Variants in SIK2 observed in about 807,000 individuals in gnomAD.
SIK2 encodes the protein serine/threonine-protein kinase SIK2.
In SIK2, 29 loss-of-function variants were observed where a neutral mutation model predicts 103.2. The observed-to-expected ratio is 0.28, with a 90% CI of 0.21 to 0.38. The LOEUF is 0.38. Ranked by LOEUF, SIK2 falls within the 10% of genes least tolerant of loss-of-function variation. The pLI, the probability that SIK2 is intolerant of heterozygous loss-of-function variation, is 1.00. For synonymous variants in SIK2, 412 were observed against 446.1 expected (o/e 0.92, Z 0.96); for missense variants, 879 against 1,171.0 (o/e 0.75, Z 3.64).
intron 3 of SIK2, among the ~76,000 whole-genome samples, chr11:111,647,648 G>A (rs1199898863): frequency 6.7e-6 from 1 of 150,266 alleles, no homozygotes; most frequent in Admixed American, 6.7e-5. Context: ...GGTAGATCAC[G>A]AGGTCAGGAG....
At chr11:111,653,702 A>C (rs190585129) in intron 3 of SIK2, among the ~76,000 whole-genome samples, 126 of 152,338 alleles carry the variant, frequency 8.3e-4, no homozygotes, top group African/African-American at 2.9e-3. Context: ...ACCAGGACGG[A>C]GATTTATGCC....
intron 3 of SIK2, among the ~76,000 whole-genome samples, chr11:111,623,289 A>G (rs561089164): frequency 3.3e-5 from 5 of 152,136 alleles, no homozygotes; most frequent in Non-Finnish European, 7.4e-5. Flanking sequence ...AACATCTAGA[A>G]TCCAGTTATG....
At chr11:111,633,117 C>T (rs1176360611) in intron 3 of SIK2, among the ~76,000 whole-genome samples, 1 of 152,176 alleles carries the variant, frequency 6.6e-6, no homozygotes, top group Non-Finnish European at 1.5e-5. Flanking sequence ...ACTCTGTGCT[C>T]ATGTTGATCT....
chr11:111,724,376 G>T lies in SIK2; in HGVS notation c.*247G>T. The T allele has an allele frequency of 7.4e-6, 4 of 540,156 alleles. No individual in the cohort carries two copies. Among genetic ancestry groups the T allele is most frequent in the Non-Finnish European group, 1.3e-5 (4 of 305,204 alleles). The allele number at this position is 540,156 out of a possible 1,614,324, so 33.5% of individuals were successfully genotyped here. On this transcript the variant is annotated 3_prime_UTR_variant, in exon 15 of 15. Coordinates refer to ENST00000304987, the MANE Select transcript of SIK2 (RefSeq NM_015191.3). ...AGGCTGAGGCTCCTGCCCTTCGGTC[G>T]AGTGGAGCAAGCTCTCGAGGGCAGC...
chr11:111,616,175 C>T (rs1047776499), intron 1 of SIK2, 68 bp from the exon 2 acceptor site: 1 of 1,043,290 alleles, frequency 9.6e-7, no homozygotes, highest in Non-Finnish European at 1.5e-6. Context: ...CATTTATTGA[C>T]AGGATTCTTA....
intron 2 of SIK2, among the ~76,000 whole-genome samples, chr11:111,618,137 T>C (rs1357417222): frequency 6.6e-6 from 1 of 152,100 alleles, no homozygotes; most frequent in Non-Finnish European, 1.5e-5. Flanking sequence ...TAGATTCTCA[T>C]AAGGAGTGTG....
chr11:111,701,318 A>G lies in SIK2; in HGVS notation c.604-134A>G, dbSNP rs1943206989. Reference sequence around the variant, plus strand: ...TAGTCAGGGTTTTGGATTTTTTTCAAATTCTGAGAAAATAATAAATCCAGA... The same window carrying G: ...TAGTCAGGGTTTTGGATTTTTTTCAGATTCTGAGAAAATAATAAATCCAGA... On this transcript the variant is annotated intron_variant, in intron 5 of 14. Transcript: ENST00000304987. This position sits in a 1 kb window ranked among gnomAD's most constrained non-coding sequence, Gnocchi z 4.2. The G allele has an allele frequency of 1.6e-6, 2 of 1,257,838 alleles. No homozygotes were observed. The highest frequency in any genetic ancestry group is 2.2e-6 in the Non-Finnish European group (2 of 929,324). 77.9% of individuals were successfully genotyped at this position (1,257,838 alleles called of 1,614,324 possible). A position where few individuals can be genotyped will look rare whatever the true frequency, so the allele number is the denominator to read the frequency against.
chr11:111,677,425 TG>T (rs1352279658), intron 3 of SIK2, among the ~76,000 whole-genome samples: 1 of 151,882 alleles, frequency 6.6e-6, no homozygotes, highest in African/African-American at 2.4e-5. Context: ...TTTTGTTTTT[TG>T]TTTTTTTTGG....
At chr11:111,689,325 C>T (rs1241520522) in intron 4 of SIK2, among the ~76,000 whole-genome samples, 6 of 152,074 alleles carry the variant, frequency 3.9e-5, no homozygotes, top group Admixed American at 3.3e-4. Flanking sequence ...ATTGGGATAA[C>T]ATGATTAGAT....
intron 2 of SIK2, among the ~76,000 whole-genome samples, chr11:111,618,125 A>T (rs894787713): frequency 6.6e-6 from 1 of 152,144 alleles, no homozygotes; most frequent in African/African-American, 2.4e-5. Context: ...CTACCTCAGC[A>T]TTAGATTCTC....
chr11:111,666,799 A>C (rs1353632222), intron 3 of SIK2, among the ~76,000 whole-genome samples: 1 of 152,178 alleles, frequency 6.6e-6, no homozygotes, highest in Non-Finnish European at 1.5e-5. Flanking sequence ...ATATTAGGAA[A>C]CACCTAACTA....
At chr11:111,717,429 A>G (rs2135962506) in intron 9 of SIK2, among the ~76,000 whole-genome samples, 1 of 152,202 alleles carries the variant, frequency 6.6e-6, no homozygotes, top group African/African-American at 2.4e-5. Context: ...CAATTATTAA[A>G]AAGTCAACAA....
chr11:111,664,651 TTCTGACA>T (rs1942511264), intron 3 of SIK2, among the ~76,000 whole-genome samples: 2 of 151,954 alleles, frequency 1.3e-5, no homozygotes, highest in Non-Finnish European at 2.9e-5. Context: ...TCAGGGTTAA[TTCTGACA>T]GTTTTTTGAA....
At chr11:111,704,234 G>C (rs980790781) in intron 7 of SIK2, among the ~76,000 whole-genome samples, 4 of 152,172 alleles carry the variant, frequency 2.6e-5, no homozygotes, top group Admixed American at 6.5e-5. Context: ...GTAGCTGGGC[G>C]TGTGATTCCA....
chr11:111,660,319 G>A (rs1296731783), intron 3 of SIK2, among the ~76,000 whole-genome samples: 1 of 152,136 alleles, frequency 6.6e-6, no homozygotes, highest in African/African-American at 2.4e-5. Flanking sequence ...TCCCAGAAAA[G>A]CCCTTAGGTC....
At chr11:111,637,129 A>C (rs1436723586) in intron 3 of SIK2, among the ~76,000 whole-genome samples, 12 of 149,446 alleles carry the variant, frequency 8.0e-5, no homozygotes, top group Admixed American at 6.0e-4. Context: ...TTTCTTTTTT[A>C]TTTTTTTGTT....
chr11:111,712,082 TG>T, intron 8 of SIK2, 128 bp from the exon 9 acceptor site: 2 of 983,468 alleles, frequency 2.0e-6, no homozygotes, highest in Non-Finnish European at 3.0e-6. Flanking sequence ...TAAATCTTTC[TG>T]GAGTTTCCAA....
Position 111,701,339 on chromosome 11 carries a change from C to A in SIK2, c.604-113C>A. On this transcript the variant is annotated intron_variant, in intron 5 of 14. Coordinates refer to ENST00000304987, the MANE Select transcript of SIK2 (RefSeq NM_015191.3). The surrounding 1 kb of genome is among the most constrained non-coding windows in gnomAD (Gnocchi z 4.2). ...TTCAAATTCTGAGAAAATAATAAAT[C>A]CAGACAGGAATTTTTCAGTCCATAT... 7.4e-7 allele frequency: 1 copy of A among 1,349,604 alleles called. No homozygotes were observed. The highest frequency in any genetic ancestry group is 1.8e-5 in the South Asian group (1 of 56,120). 83.6% of individuals were successfully genotyped at this position (1,349,604 alleles called of 1,614,324 possible).
chr11:111,725,455 T>C lies in SIK2; in HGVS notation c.*1326T>C, dbSNP rs901142835. On this transcript the variant is annotated 3_prime_UTR_variant, in exon 15 of 15. Coordinates refer to ENST00000304987, the MANE Select transcript of SIK2 (RefSeq NM_015191.3). The stretch of plus-strand genomic sequence containing the variant: ...CTTACAATTCAGTCATCAAAGTAAG[T>C]AAAAATTAGATGCTACAGCTAGCTA... 6.6e-6 allele frequency: 1 copy of C among 152,522 alleles called. No individual in the cohort carries two copies. The highest frequency in any genetic ancestry group is 2.4e-5 in the African/African-American group (1 of 41,464). The allele number at this position is 152,522 out of a possible 1,614,324, so 9.4% of individuals were successfully genotyped here.
Sources: allele counts gnomAD v4.1 joint callset (sites outside exome capture counted in the v4.1 genomes callset), GRCh38; gene constraint gnomAD v4.1.1; non-coding constraint Gnocchi (gnomAD v3.1); transcripts MANE v1.5; gene names NCBI Gene and HGNC (gene_info 2026-07-23, HGNC 2026-07-21).